The following GRM7 variants were observed in gnomAD, a reference collection of about 807,000 sequenced individuals.
GRM7 encodes glutamate metabotropic receptor 7.
In GRM7, 35 loss-of-function variants were observed where a neutral mutation model predicts 84.5. The ratio of observed to expected loss-of-function variants is 0.41; its 90% CI spans 0.32 to 0.55. GRM7 has a LOEUF of 0.55. GRM7 is among the 20% of genes least tolerant of loss of function. The pLI is 0.19. For missense variants in GRM7, 1,003 were observed against 1,194.6 expected, an observed-to-expected ratio of 0.84 and a Z score of 2.36; for synonymous variants, 487 against 455.1, an observed-to-expected ratio of 1.07 and a Z score of -0.89.
At chr3:7,487,084 T>A (rs933560699) in intron 7 of GRM7, among the ~76,000 whole-genome samples, 1 of 152,142 alleles carries the variant, frequency 6.6e-6, no homozygotes, top group Non-Finnish European at 1.5e-5. Flanking sequence ...TGTGAAGAAC[T>A]TGGCACCATT....
intron 1 of GRM7, among the ~76,000 whole-genome samples, chr3:6,955,658 C>G (rs1422195247): frequency 2.0e-5 from 3 of 151,904 alleles, no homozygotes; most frequent in African/African-American, 7.3e-5. Flanking sequence ...GCGTGGCCAA[C>G]ATGGTGACAC....
At chr3:7,543,872 G>A (rs923977178) in intron 7 of GRM7, among the ~76,000 whole-genome samples, 2 of 152,156 alleles carry the variant, frequency 1.3e-5, no homozygotes, top group African/African-American at 2.4e-5. Flanking sequence ...TTTCATCCCC[G>A]GGCTTATACT....
intron 1 of GRM7, among the ~76,000 whole-genome samples, chr3:6,982,176 T>C (rs146025824): frequency 6.6e-6 from 1 of 152,322 alleles, no homozygotes; most frequent in African/African-American, 2.4e-5. Context: ...GTCATTGTCC[T>C]AAGCAAATTA....
At chr3:7,253,738 C>T (rs1698094349) in intron 2 of GRM7, among the ~76,000 whole-genome samples, 1 of 151,924 alleles carries the variant, frequency 6.6e-6, no homozygotes, top group Admixed American at 6.6e-5. Flanking sequence ...AGAGCTTTCC[C>T]AAGCTCACAG....
At chr3:6,969,355 G>C (rs995769412) in intron 1 of GRM7, among the ~76,000 whole-genome samples, 7 of 152,074 alleles carry the variant, frequency 4.6e-5, no homozygotes, top group African/African-American at 1.7e-4. Flanking sequence ...CAAAATAGCA[G>C]GTAGTTATCA....
At chr3:7,386,014 A>G (rs1320822107) in intron 4 of GRM7, among the ~76,000 whole-genome samples, 1 of 152,248 alleles carries the variant, frequency 6.6e-6, no homozygotes, top group Non-Finnish European at 1.5e-5. Context: ...AAGTCAACAA[A>G]TGTACTATAC....
intron 1 of GRM7, among the ~76,000 whole-genome samples, chr3:6,900,292 A>G (rs1696337102): frequency 6.6e-6 from 1 of 152,194 alleles, no homozygotes; most frequent in African/African-American, 2.4e-5. Flanking sequence ...GAAAAGCCAC[A>G]TCACTCTAAA....
At chr3:7,124,736 C>A (rs918698939) in intron 1 of GRM7, among the ~76,000 whole-genome samples, 2 of 152,034 alleles carry the variant, frequency 1.3e-5, no homozygotes, top group Non-Finnish European at 2.9e-5. Context: ...GGCTTTTTCC[C>A]CATCACAATG....
chr3:6,913,057 A>T (rs1310612061), intron 1 of GRM7, among the ~76,000 whole-genome samples: 1 of 152,192 alleles, frequency 6.6e-6, no homozygotes, highest in Non-Finnish European at 1.5e-5. Context: ...TCTGGTAAAA[A>T]TTCACTGAAG....
At chr3:7,630,123 A>G (rs1328968506) in intron 8 of GRM7, among the ~76,000 whole-genome samples, 2 of 152,200 alleles carry the variant, frequency 1.3e-5, no homozygotes, top group African/African-American at 2.4e-5. Context: ...GATACTCTGC[A>G]TATATTTTTT....
At position 7,658,896 on chromosome 3, in the gene GRM7, C is replaced by T. The variant is rs55752262; in HGVS notation, c.2452-21153C>T. On this transcript the variant is annotated intron_variant, in intron 8 of 9. Transcript: ENST00000357716. ...TCTAATTTATAAAAAGATAATAAAACATGAACGTTTTTGAAAGGTGAATAC... is the reference window on the plus strand; with the variant it reads ...TCTAATTTATAAAAAGATAATAAAATATGAACGTTTTTGAAAGGTGAATAC... 6.0e-3 allele frequency among the ~76,000 whole-genome samples: 919 copies of T among 152,168 alleles called. 9 individuals carry two copies. The highest frequency in any genetic ancestry group is 8.1e-3 in the Non-Finnish European group (548 of 67,984).
chr3:7,435,275 C>T (rs967206239), intron 5 of GRM7, among the ~76,000 whole-genome samples: 1 of 151,782 alleles, frequency 6.6e-6, no homozygotes, highest in African/African-American at 2.4e-5. Flanking sequence ...GCAATTCTCC[C>T]ACCTTAGCCT....
intron 1 of GRM7, among the ~76,000 whole-genome samples, chr3:7,107,071 A>G (rs1314997038): frequency 3.3e-5 from 5 of 152,064 alleles, no homozygotes; most frequent in African/African-American, 1.2e-4. Context: ...CCTGAGGGAC[A>G]GGATAGCCTG....
At chr3:7,291,168 T>C (rs1410452101) in intron 2 of GRM7, among the ~76,000 whole-genome samples, 1 of 152,090 alleles carries the variant, frequency 6.6e-6, no homozygotes, top group Non-Finnish European at 1.5e-5. Flanking sequence ...AGGAATTTTC[T>C]CGTCCTTCTA....
At chr3:7,117,518 G>A (rs1275035188) in intron 1 of GRM7, among the ~76,000 whole-genome samples, 2 of 152,112 alleles carry the variant, frequency 1.3e-5, no homozygotes, top group Admixed American at 6.6e-5. Context: ...TTGGATTCCT[G>A]CATCAAGTGG....
At chr3:6,882,197 A>G (rs763473196) in intron 1 of GRM7, among the ~76,000 whole-genome samples, 4 of 152,164 alleles carry the variant, frequency 2.6e-5, no homozygotes, top group Non-Finnish European at 5.9e-5. Context: ...ACCAATTCCA[A>G]ATGATGAATT....
chr3:7,197,917 T>G (rs1367632137), intron 2 of GRM7, among the ~76,000 whole-genome samples: 2 of 151,966 alleles, frequency 1.3e-5, no homozygotes, highest in East Asian at 3.9e-4. Flanking sequence ...TAAAGTTGAA[T>G]GAAAATATGG....
chr3:7,175,099 G>C lies in GRM7; in HGVS notation c.736+28431G>C, dbSNP rs192117117. Among the ~76,000 whole-genome samples, 5 of 152,316 alleles carry C rather than the reference G, an allele frequency of 3.3e-5. No individual in the cohort carries two copies. In the East Asian group the frequency reaches 9.7e-4, roughly 29 times the overall value. Reference sequence around the variant, plus strand: ...GATGAATGGAGAAAAACCAAGAAAAGTATGTGTTTTACTTGGTTCTAAATT... The same window carrying C: ...GATGAATGGAGAAAAACCAAGAAAACTATGTGTTTTACTTGGTTCTAAATT... On this transcript the variant is annotated intron_variant, in intron 2 of 9. Transcript: ENST00000357716.
At chr3:7,576,875 A>C (rs1330143053) in intron 7 of GRM7, among the ~76,000 whole-genome samples, 1 of 152,208 alleles carries the variant, frequency 6.6e-6, no homozygotes, top group Non-Finnish European at 1.5e-5. Flanking sequence ...AAGTATTTTA[A>C]CATAGATAAA....
Sources: allele counts gnomAD v4.1 joint callset (sites outside exome capture counted in the v4.1 genomes callset), GRCh38; gene constraint gnomAD v4.1.1; transcripts MANE v1.5; gene names NCBI Gene and HGNC (gene_info 2026-07-23, HGNC 2026-07-21).